The following TUFT1 variants were observed in gnomAD, a reference collection of about 807,000 sequenced individuals.
TUFT1 encodes the protein tuftelin 1.
TUFT1 carries 43 observed loss-of-function variants against 57.8 expected under a neutral mutation model. The observed-to-expected ratio is 0.74, with a 90% CI of 0.58 to 0.96. TUFT1 has a LOEUF of 0.96. TUFT1 is among the 40% of genes least tolerant of loss of function. The pLI, the probability that TUFT1 is intolerant of heterozygous loss-of-function variation, is 0.00. For synonymous variants in TUFT1, 166 were observed against 176.7 expected, an observed-to-expected ratio of 0.94 and a Z score of 0.48; for missense variants, 459 against 489.0, an observed-to-expected ratio of 0.94 and a Z score of 0.58.
At chr1:151,564,957 A>G (rs35436273) in intron 5 of TUFT1, 62,104 of 177,976 alleles carry the variant, frequency 0.35, 11,547 homozygotes, top group Non-Finnish European at 0.41. Context: ...AATTTTGTAA[A>G]GCAGACAATC....
chr1:151,563,595 C>T (rs1665967448), intron 3 of TUFT1, among the ~76,000 whole-genome samples: 1 of 152,074 alleles, frequency 6.6e-6, no homozygotes, highest in African/African-American at 2.4e-5. Flanking sequence ...GATGAAATTG[C>T]CTAATGATGC....
intron 7 of TUFT1, among the ~76,000 whole-genome samples, chr1:151,573,507 G>T (rs1311329545): frequency 3.9e-5 from 6 of 152,192 alleles, no homozygotes; most frequent in Non-Finnish European, 8.8e-5. Flanking sequence ...CACTTTAGGA[G>T]GCCAAGGCGG....
Position 151,562,162 on chromosome 1 carries a change from G to A in TUFT1, c.132G>A (p.Gln44=), listed in dbSNP as rs1665917867. The change falls in exon 2 of 13, where the codon CAG becomes CAA. Residue 44 remains glutamine, a synonymous_variant. Transcript: ENST00000368849. The part of the protein sequence containing the change: ...LTGDELEHIA[Q]KAGRKTYAMV... ...GAGATGAACTTGAACACATAGCCCA[G>A]AAGGTACTGCGGAATTCTGGTGGGC... 6.2e-7 allele frequency: 1 copy of A among 1,613,978 alleles called. No individual in the cohort carries two copies. The highest frequency in any genetic ancestry group is 2.2e-5 in the East Asian group (1 of 44,884).
At chr1:151,554,865 G>T (rs1338802633) in intron 1 of TUFT1, among the ~76,000 whole-genome samples, 1 of 149,064 alleles carries the variant, frequency 6.7e-6, no homozygotes, top group African/African-American at 2.5e-5. Flanking sequence ...CACCACTCCT[G>T]GGTAATTTTT....
chr1:151,566,397 C>T (rs1333482412), intron 6 of TUFT1, among the ~76,000 whole-genome samples, 169 bp downstream of exon 6: 1 of 152,108 alleles, frequency 6.6e-6, no homozygotes, highest in Non-Finnish European at 1.5e-5. Flanking sequence ...AGAAATTCTC[C>T]TTCCCCAATC....
chr1:151,561,813 G>A, intron 1 of TUFT1: 5 of 1,432,826 alleles, frequency 3.5e-6, no homozygotes, highest in East Asian at 3.2e-5. Context: ...TGTAGTCCAA[G>A]AACCAGGGTA....
intron 3 of TUFT1, 51 bp downstream of exon 3, chr1:151,562,737 C>A: frequency 6.7e-7 from 1 of 1,482,830 alleles, no homozygotes; most frequent in Non-Finnish European, 9.4e-7. Flanking sequence ...CCTCCCTGCA[C>A]GTATATGAGA....
intron 1 of TUFT1, among the ~76,000 whole-genome samples, chr1:151,547,695 G>C (rs548428050): frequency 8.5e-5 from 13 of 152,184 alleles, no homozygotes; most frequent in Non-Finnish European, 1.8e-4. Flanking sequence ...TGATGCAGAG[G>C]GGGCACTGAG....
chr1:151,540,331 G>T lies in TUFT1; in HGVS notation c.-36G>T, dbSNP rs760368583. 1.9e-6 allele frequency: 3 copies of T among 1,613,702 alleles called. No homozygotes were observed. The South Asian group carries it at 3.3e-5, about 18-fold the overall frequency. On this transcript the variant is annotated 5_prime_UTR_variant, in exon 1 of 13. Coordinates refer to ENST00000368849, the MANE Select transcript of TUFT1 (RefSeq NM_020127.3). ...CCCAGTTGGAGCCAGACAGCGGGGT[G>T]GACAAGTGGCGTGTGTGCTGCGACC... is the stretch of plus-strand genomic sequence containing the variant.
At chr1:151,555,057 G>A (rs1358490103) in intron 1 of TUFT1, among the ~76,000 whole-genome samples, 1 of 149,136 alleles carries the variant, frequency 6.7e-6, no homozygotes, top group Admixed American at 6.7e-5. Flanking sequence ...GCCGGGCATG[G>A]TGGCTCACTC....
chr1:151,550,625 G>A (rs1469472651), intron 1 of TUFT1, among the ~76,000 whole-genome samples: 4 of 152,206 alleles, frequency 2.6e-5, no homozygotes, highest in African/African-American at 7.2e-5. Flanking sequence ...GATTACAGGC[G>A]TGAGCCACCA....
chr1:151,577,458 G>C (rs1666509095), intron 9 of TUFT1, among the ~76,000 whole-genome samples: 1 of 152,158 alleles, frequency 6.6e-6, no homozygotes, highest in African/African-American at 2.4e-5. Context: ...AGATGCAAAG[G>C]CTCAGGAACC....
intron 1 of TUFT1, chr1:151,561,606 C>T: frequency 4.2e-6 from 5 of 1,180,742 alleles, no homozygotes; most frequent in East Asian, 6.1e-5. Flanking sequence ...GGATAATTTC[C>T]ATGTGGCTCA....
chr1:151,568,603 A>G (rs1199805748), intron 6 of TUFT1, among the ~76,000 whole-genome samples: 1 of 152,260 alleles, frequency 6.6e-6, no homozygotes, highest in Non-Finnish European at 1.5e-5. Flanking sequence ...CCATTGGCTC[A>G]GGTGAGGATT....
At chr1:151,579,610 A>G in intron 10 of TUFT1, 39 bp from the exon 11 acceptor site, 1 of 1,608,526 alleles carries the variant, frequency 6.2e-7, no homozygotes, top group Non-Finnish European at 8.5e-7. Context: ...GTAATGAGTC[A>G]TTGCAAAATG....
In TUFT1 at chr1:151,581,687, A is replaced by AT. The variant is rs1298929816; in HGVS notation, c.1154dup (p.Arg386ProfsTer31). The AT allele has an allele frequency of 6.2e-7, 1 of 1,614,046 alleles. No homozygotes were observed. The highest frequency in any genetic ancestry group is 8.5e-7 in the Non-Finnish European group (1 of 1,180,040). On this transcript the variant is annotated frameshift_variant, in exon 13 of 13. Coordinates refer to ENST00000368849, the MANE Select transcript of TUFT1 (RefSeq NM_020127.3). LOFTEE classifies it high-confidence loss of function. Reference sequence around the variant, plus strand: ...GCCTAGCCCGAAGCCCATGCCTGTCATCCGAGTGGTGGAAACCTGAGCTGC... The same window carrying AT: ...GCCTAGCCCGAAGCCCATGCCTGTCATTCCGAGTGGTGGAAACCTGAGCTGC...
chr1:151,557,917 G>C (rs1254714910), intron 1 of TUFT1: 14 of 690,220 alleles, frequency 2.0e-5, no homozygotes, highest in Middle Eastern at 4.1e-4. Context: ...ATTTGGTTGA[G>C]GATGTGGTCA....
At chr1:151,543,325 A>ATGTGTGTG (rs1260643758) in intron 1 of TUFT1, among the ~76,000 whole-genome samples, 2 of 83,256 alleles carry the variant, frequency 2.4e-5, no homozygotes, top group African/African-American at 7.9e-5. Flanking sequence ...AGTTATATAT[A>ATGTGTGTG]TATGTGTGTG....
At chr1:151,560,875 T>C (rs1665861861) in intron 1 of TUFT1, among the ~76,000 whole-genome samples, 1 of 152,160 alleles carries the variant, frequency 6.6e-6, no homozygotes, top group Non-Finnish European at 1.5e-5. Context: ...CTCAACGTTA[T>C]CATCTTCCCA....
Sources: allele counts gnomAD v4.1 joint callset (sites outside exome capture counted in the v4.1 genomes callset), GRCh38; gene constraint gnomAD v4.1.1; transcripts MANE v1.5; gene names NCBI Gene and HGNC (gene_info 2026-07-23, HGNC 2026-07-21).